The following NLRC5 variants were observed in gnomAD, a reference collection of about 807,000 sequenced individuals.
NLRC5 encodes the protein protein NLRC5.
NLRC5 carries 114 observed loss-of-function variants against 206.9 expected under a neutral mutation model. The observed-to-expected ratio is 0.55, with a 90% CI of 0.47 to 0.64. The LOEUF (loss-of-function observed/expected upper bound fraction) is 0.64. Ranked by LOEUF, NLRC5 falls within the 30% of genes least tolerant of loss-of-function variation. The pLI is 0.00. For missense variants in NLRC5, 2,008 were observed against 2,305.5 expected (o/e 0.87, Z 2.64); for synonymous variants, 952 against 962.8 (o/e 0.99, Z 0.21).
At position 57,082,406 on chromosome 16, in the gene NLRC5, G is replaced by A. The variant is rs1205642692; in HGVS notation, c.5490-11G>A. The A allele has an allele frequency of 1.3e-6, 2 of 1,596,962 alleles. No individual in the cohort carries two copies. Among genetic ancestry groups the A allele is most frequent in the Non-Finnish European group, 8.6e-7 (1 of 1,166,630 alleles). On this transcript the variant is annotated splice_polypyrimidine_tract_variant and intron_variant, in intron 48 of 48. Coordinates refer to ENST00000688547, the MANE Select transcript of NLRC5 (RefSeq NM_001384950.1). ...GGAGGATGAATGAGTGCCTATATCTGTGCCCCACAGCCTCTGGAATAACCC... is the reference window on the plus strand; with the variant it reads ...GGAGGATGAATGAGTGCCTATATCTATGCCCCACAGCCTCTGGAATAACCC...
chr16:57,024,662 T>C (rs571059130), intron 5 of NLRC5, among the ~76,000 whole-genome samples: 1 of 152,230 alleles, frequency 6.6e-6, no homozygotes, highest in Non-Finnish European at 1.5e-5. Context: ...AACTGAAATA[T>C]TGGGAAGAGG....
At chr16:57,071,657 G>C (rs1437589683) in intron 38 of NLRC5, among the ~76,000 whole-genome samples, 5 of 132,192 alleles carry the variant, frequency 3.8e-5, no homozygotes, top group Non-Finnish European at 6.3e-5. Flanking sequence ...TTAATGGGAA[G>C]GGAGTGAGTG....
At chr16:57,019,396 C>CAA (rs35500096) in intron 2 of NLRC5, among the ~76,000 whole-genome samples, 8 of 144,746 alleles carry the variant, frequency 5.5e-5, no homozygotes, top group Admixed American at 2.1e-4. Flanking sequence ...GACTCTGTCT[C>CAA]AAAAAAAAAA....
chr16:56,995,578 C>T (rs1240033330), intron 1 of NLRC5, among the ~76,000 whole-genome samples: 2 of 151,050 alleles, frequency 1.3e-5, no homozygotes, highest in Non-Finnish European at 3.0e-5. Context: ...TCCCAATCCC[C>T]CAGCACCTAT....
chr16:56,991,946 G>T (rs1481679978), intron 1 of NLRC5: 1 of 152,210 alleles, frequency 6.6e-6, no homozygotes, highest in Admixed American at 6.5e-5. Context: ...TGAAGATGAG[G>T]TCATACTGGA....
chr16:57,082,536 C>A lies in NLRC5; in HGVS notation c.*8C>A, dbSNP rs749413532. The A allele has an allele frequency of 1.3e-6, 2 of 1,594,828 alleles. No homozygotes were observed. Among genetic ancestry groups the A allele is most frequent in the Admixed American group, 1.7e-5 (1 of 59,384 alleles). On this transcript the variant is annotated 3_prime_UTR_variant, in exon 49 of 49. Transcript: ENST00000688547. Reference sequence around the variant, plus strand: ...GCCCCTTGGGGTACTTGATGGCCCCCTCAAGACCTTTGGAATCCAGCCAAG... The same window carrying A: ...GCCCCTTGGGGTACTTGATGGCCCCATCAAGACCTTTGGAATCCAGCCAAG...
At chr16:57,033,706 A>ATGATAT (rs2062146610) in intron 12 of NLRC5, 37 bp downstream of exon 12, 1 of 1,589,784 alleles carries the variant, frequency 6.3e-7, no homozygotes, top group Non-Finnish European at 8.6e-7. Flanking sequence ...GGAGAGGGAT[A>ATGATAT]TGATATGGGG....
chr16:57,078,005 AC>A lies in NLRC5; in HGVS notation c.5068del (p.Leu1690Ter). The A allele has an allele frequency of 6.2e-7, 1 of 1,607,800 alleles. No individual in the cohort carries two copies. The highest frequency in any genetic ancestry group is 8.5e-7 in the Non-Finnish European group (1 of 1,176,268). ...GGGCTGGCTCAGGAGCTGCCCCAGCACCTGAGGGTCCTACAGTGAGTGGCCC... is the reference window on the plus strand; with the variant it reads ...GGGCTGGCTCAGGAGCTGCCCCAGCACTGAGGGTCCTACAGTGAGTGGCCC... ...ALGLAQELPQ[H>X]LRVLHLPFSH... On this transcript the variant is annotated frameshift_variant, in exon 43 of 49. Coordinates refer to ENST00000688547, the MANE Select transcript of NLRC5 (RefSeq NM_001384950.1). LOFTEE classifies it high-confidence loss of function.
chr16:57,026,099 C>T lies in NLRC5; in HGVS notation c.1156C>T (p.Arg386Trp), dbSNP rs780658848. 2.1e-5 allele frequency: 34 copies of T among 1,614,028 alleles called. No individual in the cohort carries two copies. The highest frequency in any genetic ancestry group is 2.7e-5 in the Non-Finnish European group (32 of 1,180,046). Reference protein sequence around the residue: ...VNHFFSAQPSREGALVELQTN... With the variant: ...VNHFFSAQPSWEGALVELQTN... ...TCACTTCTTCAGCGCCCAGCCATCG[C>T]GGGAGGGGGCCCTGGTGGAGTTACA... is the stretch of plus-strand genomic sequence containing the variant. The change falls in exon 6 of 49, where the codon CGG becomes TGG. Residue 386 changes from arginine to tryptophan, a missense_variant. Arg to Trp is a moderately radical substitution (Grantham distance 101). Transcript: ENST00000688547.
intron 45 of NLRC5, 47 bp from the exon 46 acceptor site, chr16:57,079,499 T>C (rs750593425): frequency 3.9e-6 from 6 of 1,550,370 alleles, no homozygotes; most frequent in Non-Finnish European, 5.3e-6. Context: ...CTAGATCCCC[T>C]GACTCAAACA....
At chr16:57,070,891 G>C (rs2067597422) in intron 38 of NLRC5, among the ~76,000 whole-genome samples, 1 of 134,132 alleles carries the variant, frequency 7.5e-6, no homozygotes, top group Non-Finnish European at 1.5e-5. Flanking sequence ...AATGGGGAAG[G>C]GGGTGAGTGA....
At chr16:57,005,447 G>A (rs948571363) in intron 1 of NLRC5, among the ~76,000 whole-genome samples, 3 of 150,288 alleles carry the variant, frequency 2.0e-5, no homozygotes, top group East Asian at 3.9e-4. Flanking sequence ...TCACTTGAGC[G>A]CAGGAATTTG....
At chr16:57,021,131 A>G (rs2060626177) in intron 3 of NLRC5, 124 bp downstream of exon 3, 4 of 829,138 alleles carry the variant, frequency 4.8e-6, no homozygotes, top group African/African-American at 3.4e-5. Flanking sequence ...TCTCAACTCT[A>G]TATTTCTGGA....
chr16:57,040,257 G>A (rs1412927828), intron 16 of NLRC5, among the ~76,000 whole-genome samples: 1 of 152,178 alleles, frequency 6.6e-6, no homozygotes, highest in Non-Finnish European at 1.5e-5. Context: ...TAGCGCATGG[G>A]TAGAGACTCA....
chr16:57,067,119 T>C (rs1291525239), intron 34 of NLRC5, among the ~76,000 whole-genome samples: 1 of 152,192 alleles, frequency 6.6e-6, no homozygotes, highest in African/African-American at 2.4e-5. Context: ...CATGTGTACA[T>C]TCTGGGAAAT....
intron 32 of NLRC5, among the ~76,000 whole-genome samples, chr16:57,063,720 A>G (rs1485341158): frequency 1.3e-5 from 2 of 151,922 alleles, no homozygotes; most frequent in Non-Finnish European, 2.9e-5. Flanking sequence ...TTATATATCC[A>G]GAATTGCTAG....
At chr16:57,068,286 C>G (rs1382560981) in intron 36 of NLRC5, among the ~76,000 whole-genome samples, 1 of 152,140 alleles carries the variant, frequency 6.6e-6, no homozygotes, top group Non-Finnish European at 1.5e-5. Context: ...AAAAAATTAG[C>G]TGGGCATGGT....
At chr16:57,046,999 C>T (rs1313848953) in intron 22 of NLRC5, among the ~76,000 whole-genome samples, 1 of 152,216 alleles carries the variant, frequency 6.6e-6, no homozygotes, top group African/African-American at 2.4e-5. Flanking sequence ...AATACACTCC[C>T]CATCTGCAAG....
intron 22 of NLRC5, 55 bp from the exon 23 acceptor site, chr16:57,047,490 G>A (rs2064153068): frequency 6.7e-7 from 1 of 1,482,054 alleles, no homozygotes; most frequent in Non-Finnish European, 9.3e-7. Context: ...CCTGGGGCTA[G>A]CCAGGGACCC....
Sources: gnomAD v4.1 joint callset for allele counts (sites outside exome capture counted in the v4.1 genomes callset) on GRCh38, gnomAD v4.1.1 for gene constraint, MANE v1.5 for transcripts, NCBI Gene and HGNC (gene_info 2026-07-23, HGNC 2026-07-21) for gene names.